The following CYSTM1 variants were observed in gnomAD, a reference collection of about 807,000 sequenced individuals.
The protein encoded by CYSTM1 is cysteine-rich transmembrane module-containing protein 1.
CYSTM1 carries 4 observed loss-of-function variants against 13.1 expected under a neutral mutation model. That is an observed-to-expected ratio of 0.31 (90% CI 0.15 to 0.70). CYSTM1 has a LOEUF of 0.70. Ranked by LOEUF, CYSTM1 falls within the 30% of genes least tolerant of loss-of-function variation. CYSTM1 has a pLI of 0.72. For synonymous variants in CYSTM1, 36 were observed against 42.7 expected (o/e 0.84, Z 0.62); for missense variants, 96 against 121.6 (o/e 0.79, Z 0.99).
At chr5:140,221,065 A>G (rs1764483050) in intron 2 of CYSTM1, among the ~76,000 whole-genome samples, 1 of 152,214 alleles carries the variant, frequency 6.6e-6, no homozygotes, top group Non-Finnish European at 1.5e-5. Flanking sequence ...TTAGCTATTT[A>G]GGAGGCTGAA....
chr5:140,205,463 G>C (rs910789885), intron 2 of CYSTM1, among the ~76,000 whole-genome samples: 2 of 152,012 alleles, frequency 1.3e-5, no homozygotes, highest in African/African-American at 4.8e-5. Context: ...TCATTGCCCT[G>C]GAAAGCCTTT....
chr5:140,176,743 A>T (rs1763890405), intron 1 of CYSTM1, among the ~76,000 whole-genome samples: 1 of 152,190 alleles, frequency 6.6e-6, no homozygotes, highest in Admixed American at 6.5e-5. Flanking sequence ...CGCTGAAAGG[A>T]GTCCCATACT....
intron 2 of CYSTM1, among the ~76,000 whole-genome samples, chr5:140,221,734 A>T (rs1030051594): frequency 1.2e-4 from 18 of 152,206 alleles, no homozygotes; most frequent in African/African-American, 4.1e-4. Context: ...TTAAAGCACA[A>T]GGAGCAGGAT....
intron 1 of CYSTM1, among the ~76,000 whole-genome samples, chr5:140,189,619 T>C (rs1295564755): frequency 6.6e-6 from 1 of 152,212 alleles, no homozygotes; most frequent in Non-Finnish European, 1.5e-5. Context: ...CACGTAATAA[T>C]AGTTATTTTA....
chr5:140,185,081 G>A (rs1428250668), intron 1 of CYSTM1, among the ~76,000 whole-genome samples: 1 of 152,212 alleles, frequency 6.6e-6, no homozygotes, highest in Admixed American at 6.5e-5. Flanking sequence ...TAAATAGTTT[G>A]TAGATTTTTA....
At chr5:140,178,286 C>G (rs1763916530) in intron 1 of CYSTM1, among the ~76,000 whole-genome samples, 1 of 151,778 alleles carries the variant, frequency 6.6e-6, no homozygotes, top group African/African-American at 2.4e-5. Flanking sequence ...ACAGAGGTAC[C>G]AAGGAGAATT....
intron 2 of CYSTM1, among the ~76,000 whole-genome samples, chr5:140,224,176 G>T (rs1010640018): frequency 6.6e-6 from 1 of 152,158 alleles, no homozygotes; most frequent in African/African-American, 2.4e-5. Flanking sequence ...TTTCGTTCTT[G>T]TTGCCCAGGC....
chr5:140,228,718 C>G (rs1257627412), intron 2 of CYSTM1: 2 of 398,952 alleles, frequency 5.0e-6, no homozygotes, highest in African/African-American at 4.1e-5. Flanking sequence ...CGCCCTGCAC[C>G]CCCTTCAACA....
chr5:140,196,008 C>T (rs1382139424), intron 2 of CYSTM1, among the ~76,000 whole-genome samples: 1 of 135,968 alleles, frequency 7.4e-6, no homozygotes, highest in Non-Finnish European at 1.6e-5. Context: ...TCACACCATG[C>T]ACTCTAGCCT....
rs193238598 is a variant in CYSTM1, at chr5:140,235,867, G to A, written c.188-7438G>A. Among the ~76,000 whole-genome samples the A allele has an allele frequency of 7.4e-4, 113 of 152,198 alleles. 2 individuals are homozygous for A. The East Asian group carries it at 0.015, about 20-fold the overall frequency. On this transcript the variant is annotated intron_variant, in intron 2 of 2. Transcript: ENST00000261811. ...ATTACAAGACTCTAGCAGAAGAGTG[G>A]GTGCTGAGGAACTGCTTATGCACTC...
At chr5:140,217,285 T>A (rs879736947) in intron 2 of CYSTM1, among the ~76,000 whole-genome samples, 2 of 152,138 alleles carry the variant, frequency 1.3e-5, no homozygotes, top group Non-Finnish European at 2.9e-5. Flanking sequence ...ATGGGTAATT[T>A]GTTTGTGAAG....
chr5:140,207,967 A>G (rs925227240), intron 2 of CYSTM1, among the ~76,000 whole-genome samples: 6 of 152,238 alleles, frequency 3.9e-5, no homozygotes, highest in African/African-American at 1.4e-4. Flanking sequence ...TGTGAAGAAA[A>G]GGGAACCCTT....
At chr5:140,228,692 C>G (rs915504642) in intron 2 of CYSTM1, 1 of 398,818 alleles carries the variant, frequency 2.5e-6, no homozygotes. Flanking sequence ...CTGACTGGGT[C>G]TCTCTCTCCT....
chr5:140,240,696 C>T (rs1764737565), intron 2 of CYSTM1, among the ~76,000 whole-genome samples: 1 of 152,072 alleles, frequency 6.6e-6, no homozygotes, highest in Admixed American at 6.6e-5. Context: ...ATGCAGTACC[C>T]TGAACCCTGC....
At chr5:140,208,220 A>T (rs547719204) in intron 2 of CYSTM1, among the ~76,000 whole-genome samples, 61 of 152,340 alleles carry the variant, frequency 4.0e-4, no homozygotes, top group African/African-American at 1.1e-3. Flanking sequence ...ACTGGATTTT[A>T]AAAAAATGTG....
chr5:140,178,441 CTT>C (rs577709524), intron 1 of CYSTM1, among the ~76,000 whole-genome samples: 12,457 of 52,576 alleles, frequency 0.24, 735 homozygotes, highest in African/African-American at 0.31. Context: ...CAAGTCCTTC[CTT>C]TTTTTTTTTT....
intron 2 of CYSTM1, among the ~76,000 whole-genome samples, chr5:140,196,292 C>G (rs74921523): frequency 0.012 from 1,783 of 152,250 alleles, 41 homozygotes; most frequent in African/African-American, 0.041. Flanking sequence ...CCTCTCCTGC[C>G]TTTTCTGAGC....
chr5:140,231,319 C>T (rs1035910074), intron 2 of CYSTM1, among the ~76,000 whole-genome samples: 2 of 152,054 alleles, frequency 1.3e-5, no homozygotes, highest in African/African-American at 4.8e-5. Context: ...AATTTTAGCC[C>T]ATCTTTGTCA....
At chr5:140,224,232 C>T (rs1393398897) in intron 2 of CYSTM1, among the ~76,000 whole-genome samples, 3 of 152,088 alleles carry the variant, frequency 2.0e-5, no homozygotes, top group Non-Finnish European at 2.9e-5. Context: ...CTCTGCCTCC[C>T]GGGTTCAAGC....
Sources: allele counts gnomAD v4.1 joint callset (sites outside exome capture counted in the v4.1 genomes callset), GRCh38; gene constraint gnomAD v4.1.1; transcripts MANE v1.5; gene names NCBI Gene and HGNC (gene_info 2026-07-23, HGNC 2026-07-21).